The following COL4A2 variants were observed in gnomAD, a reference collection of about 807,000 sequenced individuals.
COL4A2 encodes the protein collagen type IV alpha 2 chain, also known as collagen alpha-2(IV) chain.
A neutral mutation model predicts 200.2 loss-of-function variants in COL4A2; 99 were observed. The ratio of observed to expected loss-of-function variants is 0.49; its 90% CI spans 0.42 to 0.58. The LOEUF (loss-of-function observed/expected upper bound fraction) is 0.58, where lower values mean the gene tolerates loss of function less well. Among genes scored for constraint, COL4A2 ranks in the 20% least tolerant of loss-of-function variants. The probability of loss-of-function intolerance (pLI) is 0.00; values close to 1 mark genes in which losing one functional copy is unlikely to be tolerated. For missense variants in COL4A2, 1,950 were observed against 2,314.1 expected (o/e 0.84, Z 3.23); for synonymous variants, 897 against 900.6 (o/e 1.00, Z 0.07).
intron 47 of COL4A2, among the ~76,000 whole-genome samples, chr13:110,511,124 C>T (rs1884068814): frequency 6.6e-6 from 1 of 152,006 alleles, no homozygotes; most frequent in Non-Finnish European, 1.5e-5. Flanking sequence ...TCAAAGCCTG[C>T]TCAGCCAAGC....
intron 20 of COL4A2, among the ~76,000 whole-genome samples, chr13:110,455,753 A>G (rs1881707263): frequency 6.6e-6 from 1 of 152,152 alleles, no homozygotes; most frequent in Non-Finnish European, 1.5e-5. Flanking sequence ...ATAGACATTT[A>G]TCCTCACCTG....
At chr13:110,328,172 C>CACTTACTTGTG (rs1393865872) in intron 3 of COL4A2, among the ~76,000 whole-genome samples, 2 of 152,166 alleles carry the variant, frequency 1.3e-5, no homozygotes, top group African/African-American at 4.8e-5. Flanking sequence ...ACTTCTGGGA[C>CACTTACTTGTG]ACTTACTTGT....
chr13:110,442,804 GTTATT>G (rs977145472), intron 16 of COL4A2, among the ~76,000 whole-genome samples: 2 of 151,928 alleles, frequency 1.3e-5, no homozygotes, highest in African/African-American at 4.8e-5. Flanking sequence ...TGTCCACAGT[GTTATT>G]TTATAATTTT....
intron 4 of COL4A2, among the ~76,000 whole-genome samples, chr13:110,386,392 C>A (rs1296166762): frequency 1.3e-5 from 2 of 152,174 alleles, no homozygotes; most frequent in Admixed American, 1.3e-4. Flanking sequence ...CTTGTGTAAG[C>A]CACAGTGCTG....
chr13:110,488,371 A>G (rs774565126), intron 34 of COL4A2, among the ~76,000 whole-genome samples: 3 of 152,152 alleles, frequency 2.0e-5, no homozygotes, highest in Non-Finnish European at 4.4e-5. Flanking sequence ...ATGCTTGTAC[A>G]TTGATGCTGT....
rs776812114 is a variant in COL4A2 at position 110,457,470 on chromosome 13, C to T, written c.1432+35C>T. On this transcript the variant is annotated intron_variant, in intron 21 of 47. Transcript: ENST00000360467. Reference sequence around the variant, plus strand: ...TCTGGGAGGGACGGGATGAGGACAGCCTGGCCTTTCCAAGTCCCTCACCTT... The same window carrying T: ...TCTGGGAGGGACGGGATGAGGACAGTCTGGCCTTTCCAAGTCCCTCACCTT... 8 of 1,243,564 alleles carry T rather than the reference C, an allele frequency of 6.4e-6. No homozygotes were observed. In the Admixed American group the frequency reaches 1.4e-4, roughly 21 times the overall value. The allele number at this position is 1,243,564 out of a possible 1,614,324, so 77.0% of individuals were successfully genotyped here.
At position 110,308,214 on chromosome 13, in the gene COL4A2, C is replaced by T. The variant is rs2139334822; in HGVS notation, c.99+91C>T. 3 of 1,447,174 alleles carry T rather than the reference C, an allele frequency of 2.1e-6. No individual in the cohort carries two copies. The East Asian group carries it at 6.9e-5, about 33-fold the overall frequency. The allele number at this position is 1,447,174 out of a possible 1,614,324, so 89.6% of individuals were successfully genotyped here. On this transcript the variant is annotated intron_variant, in intron 3 of 47. Transcript: ENST00000360467. ...GGAGAAGGCAGCTCGTCCGTGCGCT[C>T]CCGAGTGTGTGTGTGCGTGTGGATG...
At chr13:110,509,245 T>TTTTATATATATATATA (rs1555334027) in intron 47 of COL4A2, among the ~76,000 whole-genome samples, 1 of 72,002 alleles carries the variant, frequency 1.4e-5, no homozygotes, top group Non-Finnish European at 2.9e-5. Flanking sequence ...ATTTCATAAA[T>TTTTATATATATATATA]TATATATATA....
rs563790171 is a variant in COL4A2, at chr13:110,438,045, G to C, written c.861+8G>C. ...GGGGAACCAGGAATAAGAGTAAGTCGAGTAATGAGCATGCCCCCTCCCCTG... is the reference window on the plus strand; with the variant it reads ...GGGGAACCAGGAATAAGAGTAAGTCCAGTAATGAGCATGCCCCCTCCCCTG... On this transcript the variant is annotated splice_region_variant and intron_variant, in intron 14 of 47. Transcript: ENST00000360467. 6.2e-7 allele frequency: 1 copy of C among 1,612,622 alleles called. No homozygotes were observed. Among genetic ancestry groups the C allele is most frequent in the Admixed American group, 1.7e-5 (1 of 59,958 alleles).
chr13:110,414,943 A>T (rs1401083249), intron 4 of COL4A2, among the ~76,000 whole-genome samples: 3 of 152,166 alleles, frequency 2.0e-5, no homozygotes, highest in Non-Finnish European at 2.9e-5. Context: ...TTTGTTAATT[A>T]TCTTTTTCCC....
chr13:110,480,792 G>A (rs989029645), intron 31 of COL4A2, among the ~76,000 whole-genome samples: 1 of 152,262 alleles, frequency 6.6e-6, no homozygotes, highest in Non-Finnish European at 1.5e-5. Flanking sequence ...ACAGGGATAG[G>A]TTTATTTCAG....
chr13:110,487,211 G>A (rs1883145625), intron 34 of COL4A2, among the ~76,000 whole-genome samples: 1 of 152,230 alleles, frequency 6.6e-6, no homozygotes, highest in Non-Finnish European at 1.5e-5. Flanking sequence ...CAGCACTTTG[G>A]GAGGCCAAGG....
intron 16 of COL4A2, among the ~76,000 whole-genome samples, chr13:110,443,424 A>C (rs1289231922): frequency 6.6e-6 from 1 of 152,236 alleles, no homozygotes; most frequent in Admixed American, 6.5e-5. Context: ...TGTGTCAGCT[A>C]GTCCCTGAGG....
At chr13:110,379,549 C>T (rs1878380077) in intron 4 of COL4A2, among the ~76,000 whole-genome samples, 1 of 152,218 alleles carries the variant, frequency 6.6e-6, no homozygotes, top group Non-Finnish European at 1.5e-5. Flanking sequence ...TTGGCTGCAG[C>T]AGAAGCTGCA....
Position 110,473,054 on chromosome 13 carries a change from C to A in COL4A2, c.2329C>A (p.Leu777Met). The change falls in exon 29 of 48, where the codon CTG becomes ATG. Residue 777 changes from leucine (L) to methionine (M), a missense_variant. This residue lies in a region of COL4A2 where 1,385 missense variants were observed against 1,720.5 expected (regional missense o/e 0.80). Transcript: ENST00000360467. ...PGERGLPGEV[L>M]GAQPGPRGDA... ...GGAAAGGGGCCTCCCTGGAGAAGTC[C>A]TGGGAGCTCAGCCCGGGCCACGGGG... The A allele has an allele frequency of 2.0e-6, 3 of 1,527,580 alleles. No individual in the cohort carries two copies. The highest frequency in any genetic ancestry group is 2.6e-6 in the Non-Finnish European group (3 of 1,137,514). 94.6% of individuals were successfully genotyped at this position (1,527,580 alleles called of 1,614,324 possible).
chr13:110,373,845 T>C (rs2139403953), intron 4 of COL4A2, among the ~76,000 whole-genome samples: 1 of 152,376 alleles, frequency 6.6e-6, no homozygotes, highest in Admixed American at 6.5e-5. Context: ...GAGTGTAAGT[T>C]AATCGGGCAC....
chr13:110,387,075 T>A (rs1002499108), intron 4 of COL4A2, among the ~76,000 whole-genome samples: 1 of 152,004 alleles, frequency 6.6e-6, no homozygotes, highest in Non-Finnish European at 1.5e-5. Flanking sequence ...CCGTCTCTAC[T>A]AAAAATACAA....
In COL4A2 at chr13:110,503,161, TC is replaced by T; in HGVS notation, c.3920del (p.Pro1307LeufsTer152). ...CAGGGCCACCAGGTTCTGCTGCTCT[TC>T]CTGGAAGCAAAGGTGACACAGGGAA... ...PPGPPGSAALPGSKGDTGNPG... is the reference protein window; with the variant it reads ...PPGPPGSAALXGSKGDTGNPG... On this transcript the variant is annotated frameshift_variant, in exon 42 of 48. Coordinates refer to ENST00000360467, the MANE Select transcript of COL4A2 (RefSeq NM_001846.4). LOFTEE classifies it high-confidence loss of function. 1 of 1,613,940 alleles carries T rather than the reference TC, an allele frequency of 6.2e-7. No individual in the cohort carries two copies. Among genetic ancestry groups the T allele is most frequent in the African/African-American group, 1.3e-5 (1 of 75,028 alleles).
intron 4 of COL4A2, among the ~76,000 whole-genome samples, chr13:110,408,003 C>G (rs1028970214): frequency 1.3e-5 from 2 of 152,178 alleles, no homozygotes; most frequent in African/African-American, 4.8e-5. Flanking sequence ...CAGAGGCGTC[C>G]AGGAGGGAGG....
Sources: allele counts gnomAD v4.1 joint callset (sites outside exome capture counted in the v4.1 genomes callset), GRCh38; gene constraint gnomAD v4.1.1; regional missense constraint gnomAD v4.1.1; transcripts MANE v1.5; gene names NCBI Gene and HGNC (gene_info 2026-07-23, HGNC 2026-07-21).